LCLAT1: variants seen among roughly 807,000 people sequenced by gnomAD.
LCLAT1 encodes lysocardiolipin acyltransferase 1, also known as 1-AGP acyltransferase 8.
Under a neutral mutation model 30.7 loss-of-function variants are expected in LCLAT1, and 11 were observed. That is an observed-to-expected ratio of 0.36 (90% CI 0.23 to 0.59). LCLAT1 has a LOEUF of 0.59. LCLAT1 is among the 20% of genes least tolerant of loss of function. The pLI is 0.77. For missense variants in LCLAT1, 402 were observed against 458.6 expected (o/e 0.88, Z 1.13); for synonymous variants, 155 against 151.3 (o/e 1.02, Z -0.18).
intron 3 of LCLAT1, among the ~76,000 whole-genome samples, chr2:30,553,669 G>C (rs1163146400): frequency 6.6e-6 from 1 of 151,910 alleles, no homozygotes; most frequent in African/African-American, 2.4e-5. Context: ...CAAAAAATTA[G>C]CCGGGCGCGG....
chr2:30,510,664 C>G (rs1350343798), intron 1 of LCLAT1, among the ~76,000 whole-genome samples: 1 of 152,056 alleles, frequency 6.6e-6, no homozygotes, highest in Non-Finnish European at 1.5e-5. Context: ...GCTGATTTCC[C>G]CCTCTCCAAT....
At chr2:30,573,774 C>G (rs1313347027) in intron 5 of LCLAT1, among the ~76,000 whole-genome samples, 2 of 152,070 alleles carry the variant, frequency 1.3e-5, no homozygotes, top group Non-Finnish European at 2.9e-5. Flanking sequence ...AGTTGTTTAT[C>G]TTCTTCACTG....
intron 5 of LCLAT1, among the ~76,000 whole-genome samples, chr2:30,586,646 C>T (rs1666455597): frequency 6.6e-6 from 1 of 152,210 alleles, no homozygotes; most frequent in African/African-American, 2.4e-5. Context: ...TTGCTGACTT[C>T]AATGCTGGCT....
chr2:30,549,797 T>G (rs1345533695), intron 3 of LCLAT1, among the ~76,000 whole-genome samples: 1 of 152,218 alleles, frequency 6.6e-6, no homozygotes, highest in Non-Finnish European at 1.5e-5. Context: ...GTATTTATTA[T>G]ATATGTCATT....
chr2:30,471,345 AACTACAGGTGTGTGCC>A (rs1470196720), intron 1 of LCLAT1, among the ~76,000 whole-genome samples: 1 of 151,868 alleles, frequency 6.6e-6, no homozygotes, highest in Non-Finnish European at 1.5e-5. Flanking sequence ...GAGTAGCTGG[AACTACAGGTGTGTGCC>A]ACCACACCTG....
At chr2:30,469,038 C>T (rs1298372157) in intron 1 of LCLAT1, among the ~76,000 whole-genome samples, 2 of 152,102 alleles carry the variant, frequency 1.3e-5, no homozygotes, top group Non-Finnish European at 2.9e-5. Context: ...GCTTATCAAC[C>T]ATTTGTATGT....
chr2:30,517,869 C>G (rs1191530436), intron 1 of LCLAT1, among the ~76,000 whole-genome samples: 1 of 152,168 alleles, frequency 6.6e-6, no homozygotes, highest in Non-Finnish European at 1.5e-5. Flanking sequence ...TGAAGATCCT[C>G]TCCGTGACCC....
rs536213057 is a variant in LCLAT1 at position 30,636,938 on chromosome 2, G to A, written c.629-3179G>A. Among the ~76,000 whole-genome samples, 20 of 152,314 alleles carry A rather than the reference G, an allele frequency of 1.3e-4. No homozygotes were observed. In the South Asian group the frequency reaches 4.1e-3, roughly 32 times the overall value. ...TACATGGGGAAAGGAGATCGGTCAA[G>A]GCTGTTGTGAAAGGTGATACTGATG... is the stretch of plus-strand genomic sequence containing the variant. On this transcript the variant is annotated intron_variant, in intron 5 of 5. Coordinates refer to ENST00000379509, the MANE Select transcript of LCLAT1 (RefSeq NM_001002257.3).
Position 30,525,612 on chromosome 2 carries a change from T to C in LCLAT1, c.22T>C (p.Tyr8His). The C allele has an allele frequency of 6.2e-7, 1 of 1,613,862 alleles. No homozygotes were observed. The highest frequency in any genetic ancestry group is 1.3e-5 in the African/African-American group (1 of 75,070). Residue 8 changes from tyrosine (Y) to histidine (H), a missense_variant, in exon 2 of 6, where the codon TAC becomes CAC. By Grantham distance (83) the Tyr-to-His change is moderately conservative. Coordinates refer to ENST00000379509, the MANE Select transcript of LCLAT1 (RefSeq NM_001002257.3). MVSWKGI[Y>H]FILTLFWGSF... ...AATCATGGTGTCATGGAAAGGGATT[T>C]ACTTTATACTGACTCTGTTTTGGGG... is the stretch of plus-strand genomic sequence containing the variant.
At chr2:30,467,624 G>A (rs1249558095) in intron 1 of LCLAT1, among the ~76,000 whole-genome samples, 7 of 152,050 alleles carry the variant, frequency 4.6e-5, no homozygotes, top group Admixed American at 6.6e-5. Context: ...TTTAATGATC[G>A]CCATTCTAAC....
In LCLAT1 at chr2:30,447,297, T is replaced by G. The variant is rs1337067101; in HGVS notation, c.-91T>G. ...CGTTACGGGATGAATTAACGGCGGG[T>G]TCCGCACGGAGGTTGTGACCCCTAC... On this transcript the variant is annotated 5_prime_UTR_variant, in exon 1 of 6. Transcript: ENST00000379509. 6.6e-6 allele frequency: 1 copy of G among 151,304 alleles called. No homozygotes were observed. The highest frequency in any genetic ancestry group is 1.5e-5 in the Non-Finnish European group (1 of 67,714). The allele number at this position is 151,304 out of a possible 1,614,324, so 9.4% of individuals were successfully genotyped here. A position where few individuals can be genotyped will look rare whatever the true frequency, so the allele number is the denominator to read the frequency against.
chr2:30,516,155 G>A (rs1040184758), intron 1 of LCLAT1, among the ~76,000 whole-genome samples: 3 of 152,178 alleles, frequency 2.0e-5, no homozygotes, highest in Admixed American at 6.5e-5. Context: ...GAGAGCACAG[G>A]GGGAGGGACA....
At chr2:30,474,685 A>G (rs1013067227) in intron 1 of LCLAT1, among the ~76,000 whole-genome samples, 3 of 147,384 alleles carry the variant, frequency 2.0e-5, no homozygotes, top group East Asian at 2.0e-4. Flanking sequence ...GCCTCACTCT[A>G]TCACCCAGGC....
intron 1 of LCLAT1, chr2:30,459,589 G>C: frequency 6.6e-7 from 1 of 1,516,406 alleles, no homozygotes; most frequent in Non-Finnish European, 9.2e-7. Context: ...CTGGGAAGCT[G>C]GCAACAAATG....
intron 1 of LCLAT1, among the ~76,000 whole-genome samples, chr2:30,509,130 C>G (rs12466071): frequency 0.13 from 19,169 of 152,128 alleles, 1,337 homozygotes; most frequent in South Asian, 0.23. Flanking sequence ...TATCCTGAGA[C>G]TTTGCTAAAG....
At chr2:30,524,771 T>C (rs1277589702) in intron 1 of LCLAT1, among the ~76,000 whole-genome samples, 1 of 152,174 alleles carries the variant, frequency 6.6e-6, no homozygotes, top group Non-Finnish European at 1.5e-5. Context: ...TTAATAATAG[T>C]TATTAATCTC....
intron 1 of LCLAT1, among the ~76,000 whole-genome samples, chr2:30,507,898 A>T (rs1558483934): frequency 6.6e-6 from 1 of 152,254 alleles, no homozygotes; most frequent in East Asian, 1.9e-4. Flanking sequence ...GAACTAATTT[A>T]CACTCCCACC....
intron 5 of LCLAT1, among the ~76,000 whole-genome samples, chr2:30,633,838 C>T (rs1403639273): frequency 6.6e-6 from 1 of 152,144 alleles, no homozygotes; most frequent in African/African-American, 2.4e-5. Context: ...GGATCTGATA[C>T]TTAGGCATGA....
rs1268678425 is a variant in LCLAT1 at position 30,483,910 on chromosome 2, A to G, written c.-5+36527A>G. Among the ~76,000 whole-genome samples the G allele has an allele frequency of 3.3e-5, 5 of 152,296 alleles. No homozygotes were observed. In the East Asian group the frequency reaches 9.6e-4, roughly 29 times the overall value. On this transcript the variant is annotated intron_variant, in intron 1 of 5. Transcript: ENST00000379509. The stretch of plus-strand genomic sequence containing the variant: ...GCCCCAGTTTGCCACTAAATAGTTC[A>G]GTGATTTGGGGCATTTTTTTTTACC...
Sources: gnomAD v4.1 joint callset for allele counts (sites outside exome capture counted in the v4.1 genomes callset) on GRCh38, gnomAD v4.1.1 for gene constraint, MANE v1.5 for transcripts, NCBI Gene and HGNC (gene_info 2026-07-23, HGNC 2026-07-21) for gene names.